LPXN: variants seen among roughly 807,000 people sequenced by gnomAD.
LPXN encodes the protein leupaxin.
A neutral mutation model predicts 45.6 loss-of-function variants in LPXN; 28 were observed. The observed-to-expected ratio is 0.61, with a 90% CI of 0.45 to 0.84. The LOEUF (loss-of-function observed/expected upper bound fraction) is 0.84, where lower values mean the gene tolerates loss of function less well. LPXN is among the 40% of genes least tolerant of loss of function. The pLI, the probability that LPXN is intolerant of heterozygous loss-of-function variation, is 0.00. For synonymous variants in LPXN, 166 were observed against 169.9 expected, an observed-to-expected ratio of 0.98 and a Z score of 0.18; for missense variants, 459 against 475.0, an observed-to-expected ratio of 0.97 and a Z score of 0.31.
upstream of LPXN, chr11:58,577,903 G>A: frequency 4.2e-6 from 5 of 1,197,704 alleles, no homozygotes; most frequent in Non-Finnish European, 5.8e-6. Context: ...TCACAGATTT[G>A]ATTAAGAGCC....
chr11:58,554,762 A>G (rs1854151936), intron 4 of LPXN, 79 bp downstream of exon 4: 6 of 1,039,740 alleles, frequency 5.8e-6, no homozygotes, highest in Non-Finnish European at 7.0e-6. Context: ...CCACAAAGAT[A>G]AACTGGTGAC....
At chr11:58,568,350 C>T (rs920301625) in intron 2 of LPXN, among the ~76,000 whole-genome samples, 10 of 152,238 alleles carry the variant, frequency 6.6e-5, no homozygotes, top group Middle Eastern at 3.4e-3. Context: ...TGCTTGTAAT[C>T]CCAGCACTTT....
At chr11:58,577,147 A>C (rs1854917368), upstream of LPXN, among the ~76,000 whole-genome samples, 2 of 149,440 alleles carry the variant, frequency 1.3e-5, no homozygotes, top group South Asian at 2.1e-4. Flanking sequence ...CTGTCTGTAC[A>C]TTTTTTTTTG....
At chr11:58,528,912 A>C (rs756059214) in intron 7 of LPXN, among the ~76,000 whole-genome samples, 1 of 152,144 alleles carries the variant, frequency 6.6e-6, no homozygotes, top group Non-Finnish European at 1.5e-5. Flanking sequence ...ATTATTCCTC[A>C]GTCTTTACAT....
intron 7 of LPXN, among the ~76,000 whole-genome samples, chr11:58,544,494 C>T (rs1853823336): frequency 6.6e-6 from 1 of 152,128 alleles, no homozygotes. Context: ...TGAGAAATGA[C>T]CCTCATCTAG....
At chr11:58,558,540 CAAAAAAAAA>C (rs35870490) in intron 3 of LPXN, among the ~76,000 whole-genome samples, 4 of 48,002 alleles carry the variant, frequency 8.3e-5, no homozygotes, top group Non-Finnish European at 8.4e-5. Flanking sequence ...GAGACCCTGT[CAAAAAAAAA>C]AAAAAAAAAA....
intron 5 of LPXN, among the ~76,000 whole-genome samples, chr11:58,550,666 T>C (rs756381670): frequency 6.6e-6 from 1 of 152,118 alleles, no homozygotes; most frequent in Non-Finnish European, 1.5e-5. Flanking sequence ...AATCAATCAA[T>C]TTAGACTGGG....
chr11:58,550,356 C>T (rs537377159), intron 5 of LPXN, among the ~76,000 whole-genome samples: 30 of 152,300 alleles, frequency 2.0e-4, no homozygotes, highest in Non-Finnish European at 4.0e-4. Context: ...TGCCCACTTC[C>T]GGGACTGATC....
chr11:58,564,239 A>C, intron 2 of LPXN, 38 bp from the exon 3 acceptor site: 4 of 1,442,274 alleles, frequency 2.8e-6, no homozygotes, highest in Non-Finnish European at 3.9e-6. Flanking sequence ...GCAAAGAATA[A>C]ATTTTTGTTA....
At chr11:58,562,891 A>G (rs1209476865) in intron 3 of LPXN, among the ~76,000 whole-genome samples, 1 of 152,178 alleles carries the variant, frequency 6.6e-6, no homozygotes, top group Non-Finnish European at 1.5e-5. Context: ...GAAGACAGTG[A>G]GGACCAACTG....
At position 58,528,024 on chromosome 11, in the gene LPXN, GAA is replaced by G; in HGVS notation, c.891+17_891+18del. On this transcript the variant is annotated intron_variant, in intron 8 of 8. Coordinates refer to ENST00000395074, the MANE Select transcript of LPXN (RefSeq NM_004811.3). Reference sequence around the variant, plus strand: ...CCCTTGACTTTCCCTAAGTCCGAAAGAAAAGTGATTATACAGACCCCACAAAC... The same window carrying G: ...CCCTTGACTTTCCCTAAGTCCGAAAGAAGTGATTATACAGACCCCACAAAC... 3 of 1,604,164 alleles carry G rather than the reference GAA, an allele frequency of 1.9e-6. No individual in the cohort carries two copies. The highest frequency in any genetic ancestry group is 2.6e-6 in the Non-Finnish European group (3 of 1,173,586).
At chr11:58,535,877 TAGAC>T (rs1332907941) in intron 7 of LPXN, among the ~76,000 whole-genome samples, 9 of 151,080 alleles carry the variant, frequency 6.0e-5, no homozygotes, top group East Asian at 1.9e-4. Flanking sequence ...ACGCCAATAA[TAGAC>T]AGCGAAATCA....
At chr11:58,560,455 C>T (rs1854340266) in intron 3 of LPXN, among the ~76,000 whole-genome samples, 1 of 152,146 alleles carries the variant, frequency 6.6e-6, no homozygotes, top group Admixed American at 6.5e-5. Context: ...TTTCAGGAGG[C>T]ATTTACTCTG....
chr11:58,555,077 T>C, intron 3 of LPXN, 137 bp from the exon 4 acceptor site: 2 of 586,184 alleles, frequency 3.4e-6, no homozygotes, highest in Non-Finnish European at 3.0e-6. Flanking sequence ...GGGGGTATTT[T>C]AAAAATATAT....
chr11:58,563,749 G>A (rs1348316025), intron 3 of LPXN, among the ~76,000 whole-genome samples: 1 of 152,186 alleles, frequency 6.6e-6, no homozygotes, highest in African/African-American at 2.4e-5. Flanking sequence ...GTTGGCCATG[G>A]AGACCCACTG....
rs1275130091 is a variant in LPXN, at chr11:58,570,623, C to G, written c.104G>C (p.Arg35Thr). The change falls in exon 2 of 9, where the codon AGA (arginine) becomes ACA (threonine). Residue 35 changes from arginine (R) to threonine (T), a missense_variant. Arg to Thr is a moderately conservative substitution (Grantham distance 71). Coordinates refer to ENST00000395074, the MANE Select transcript of LPXN (RefSeq NM_004811.3). ...PAPLPLDQHS[R>T]KETNLDETSE... ...AGTCTCATCAAGGTTAGTCTCCTTT[C>G]TGGAATGCTGATCCAGGGGAAGAGG... 1 of 1,613,760 alleles carries G rather than the reference C, an allele frequency of 6.2e-7. No homozygotes were observed. The highest frequency in any genetic ancestry group is 1.1e-5 in the South Asian group (1 of 91,058).
intron 7 of LPXN, among the ~76,000 whole-genome samples, chr11:58,537,124 C>G (rs1853576885): frequency 6.6e-6 from 1 of 152,140 alleles, no homozygotes; most frequent in South Asian, 2.1e-4. Flanking sequence ...GGATCTAGAA[C>G]CAGGAATACC....
In LPXN at chr11:58,527,734, G is replaced by A. The variant is rs1289092707; in HGVS notation, c.892-11C>T. ...ACTGGTGAAGCAGTCCTGGGGTAGA[G>A]AGAAGAGAGAGAAAAAGAATGCAAA... On this transcript the variant is annotated splice_polypyrimidine_tract_variant and intron_variant, in intron 8 of 8. Coordinates refer to ENST00000395074, the MANE Select transcript of LPXN (RefSeq NM_004811.3). 6.2e-7 allele frequency: 1 copy of A among 1,607,188 alleles called. No homozygotes were observed. Among genetic ancestry groups the A allele is most frequent in the East Asian group, 2.2e-5 (1 of 44,680 alleles).
intron 7 of LPXN, among the ~76,000 whole-genome samples, chr11:58,538,681 A>G (rs558323486): frequency 2.8e-4 from 43 of 152,286 alleles, no homozygotes; most frequent in Admixed American, 2.6e-3. Flanking sequence ...GTGAGGACGG[A>G]TATGTTAATT....
Sources: gnomAD v4.1 joint callset for allele counts (sites outside exome capture counted in the v4.1 genomes callset) on GRCh38, gnomAD v4.1.1 for gene constraint, MANE v1.5 for transcripts, NCBI Gene and HGNC (gene_info 2026-07-23, HGNC 2026-07-21) for gene names.